The following GSE1 variants were observed in gnomAD, a reference collection of about 807,000 sequenced individuals.
GSE1 encodes genetic suppressor element 1.
GSE1 carries 32 observed loss-of-function variants against 112.6 expected under a neutral mutation model. That is an observed-to-expected ratio of 0.28 (90% CI 0.21 to 0.38). The LOEUF (loss-of-function observed/expected upper bound fraction) is 0.38. GSE1 is among the 10% of genes least tolerant of loss of function. The pLI is 1.00. For missense variants in GSE1, 2,348 were observed against 1,699.2 expected, an observed-to-expected ratio of 1.38 and a Z score of -6.71; for synonymous variants, 1,115 against 735.6, an observed-to-expected ratio of 1.52 and a Z score of -8.35.
At chr16:85,169,859 T>G (rs2074329723) in exon 1 of GSE1, 1 of 984,158 alleles carries the variant, frequency 1.0e-6, no homozygotes, top group Non-Finnish European at 1.2e-6. Flanking sequence ...GACAAGCGCA[T>G]GTACTGGCTC....
intron 2 of GSE1, chr16:85,490,586 G>C (rs1216579971): frequency 6.6e-6 from 1 of 152,244 alleles, no homozygotes; most frequent in African/African-American, 2.4e-5. Context: ...CTCCTGAGGA[G>C]GTGCCCGGTC....
intron 1 of GSE1, among the ~76,000 whole-genome samples, chr16:85,175,881 G>A (rs2074453044): frequency 6.6e-6 from 1 of 152,214 alleles, no homozygotes; most frequent in South Asian, 2.1e-4. Flanking sequence ...GAGAGGTTAA[G>A]CAACTTGTCC....
chr16:85,484,986 T>G (rs1344450550), intron 2 of GSE1, among the ~76,000 whole-genome samples: 1 of 151,998 alleles, frequency 6.6e-6, no homozygotes, highest in Non-Finnish European at 1.5e-5. Flanking sequence ...CAGCCTTGAT[T>G]CCTCAGCACC....
At chr16:85,303,886 G>C (rs923464124) in intron 1 of GSE1, among the ~76,000 whole-genome samples, 1 of 152,230 alleles carries the variant, frequency 6.6e-6, no homozygotes, top group Non-Finnish European at 1.5e-5. Context: ...CTGCCCCCAG[G>C]GTTGTCCCGG....
intron 1 of GSE1, among the ~76,000 whole-genome samples, chr16:85,206,794 C>G (rs2075124871): frequency 6.6e-6 from 1 of 152,122 alleles, no homozygotes; most frequent in Admixed American, 6.5e-5. Flanking sequence ...GGCCCCCCGC[C>G]AGGATGGAGG....
chr16:85,641,887 C>T (rs1412723075), intron 2 of GSE1, among the ~76,000 whole-genome samples: 2 of 152,246 alleles, frequency 1.3e-5, no homozygotes, highest in African/African-American at 4.8e-5. Context: ...TGGCCGGGCT[C>T]CTTTCCACAT....
At chr16:85,650,267 C>T (rs946487369) in intron 3 of GSE1, among the ~76,000 whole-genome samples, 5 of 152,048 alleles carry the variant, frequency 3.3e-5, no homozygotes, top group Non-Finnish European at 4.4e-5. Flanking sequence ...AGCTCCGCTG[C>T]CTCCAGAGGC....
intron 1 of GSE1, among the ~76,000 whole-genome samples, chr16:85,617,544 A>C (rs948417771): frequency 4.9e-5 from 7 of 142,964 alleles, no homozygotes; most frequent in Non-Finnish European, 1.0e-4. Flanking sequence ...ACTGCCAGGC[A>C]GTTCAGGCCA....
chr16:85,192,105 A>G (rs866827796), intron 1 of GSE1, among the ~76,000 whole-genome samples: 1 of 152,264 alleles, frequency 6.6e-6, no homozygotes, highest in Admixed American at 6.5e-5. Flanking sequence ...GCTCATGCAC[A>G]TTCTGGTGCA....
At chr16:85,246,327 ACACACCCC>A (rs1224190575) in intron 1 of GSE1, among the ~76,000 whole-genome samples, 6 of 83,402 alleles carry the variant, frequency 7.2e-5, no homozygotes, top group African/African-American at 8.9e-5. Flanking sequence ...ACACACACAC[ACACACCCC>A]CCACACGCTG....
At chr16:85,584,979 G>A (rs546957243) in intron 1 of GSE1, among the ~76,000 whole-genome samples, 3 of 152,230 alleles carry the variant, frequency 2.0e-5, no homozygotes, top group African/African-American at 7.2e-5. Context: ...AATGGGATGC[G>A]CCAGAGATGG....
chr16:85,560,032 A>G (rs1481159993), intron 1 of GSE1, among the ~76,000 whole-genome samples: 1 of 151,992 alleles, frequency 6.6e-6, no homozygotes, highest in Non-Finnish European at 1.5e-5. Flanking sequence ...TCGAGTGATA[A>G]CTGTAATAAT....
At chr16:85,466,073 G>A (rs564416582) in intron 2 of GSE1, among the ~76,000 whole-genome samples, 2 of 152,212 alleles carry the variant, frequency 1.3e-5, no homozygotes, top group South Asian at 4.1e-4. Context: ...GGCCCAGAGG[G>A]CAGGTTCACA....
chr16:85,278,263 C>T (rs1003519735), intron 1 of GSE1, among the ~76,000 whole-genome samples: 1 of 152,204 alleles, frequency 6.6e-6, no homozygotes, highest in African/African-American at 2.4e-5. Flanking sequence ...GACCTGAGAC[C>T]CTCTCTTCTT....
At chr16:85,636,776 T>C (rs889507) in intron 2 of GSE1, among the ~76,000 whole-genome samples, 37,580 of 151,980 alleles carry the variant, frequency 0.25, 4,680 homozygotes, top group Non-Finnish European at 0.26. Flanking sequence ...CCCTCACCCC[T>C]AGCACCACTG....
chr16:85,464,581 G>A (rs900751), intron 2 of GSE1, among the ~76,000 whole-genome samples: 1 of 152,186 alleles, frequency 6.6e-6, no homozygotes, highest in Non-Finnish European at 1.5e-5. Context: ...TGTTTCCCCC[G>A]AGGGGTGATG....
chr16:85,192,645 G>T (rs1290396887), intron 1 of GSE1, among the ~76,000 whole-genome samples: 1 of 152,130 alleles, frequency 6.6e-6, no homozygotes, highest in Non-Finnish European at 1.5e-5. Flanking sequence ...TGCAGGTTCC[G>T]GAGCCTAAGC....
chr16:85,444,911 G>A (rs1032648324), intron 2 of GSE1, among the ~76,000 whole-genome samples: 6 of 152,178 alleles, frequency 3.9e-5, no homozygotes, highest in African/African-American at 1.2e-4. Context: ...TTCCCGCGGC[G>A]CTGGCTGTGC....
chr16:85,309,900 C>T (rs1037743859), intron 1 of GSE1, among the ~76,000 whole-genome samples: 1 of 152,200 alleles, frequency 6.6e-6, no homozygotes, highest in Non-Finnish European at 1.5e-5. Flanking sequence ...CCCTTGCCAC[C>T]CCCTCACGCC....
Sources: allele counts gnomAD v4.1 joint callset (sites outside exome capture counted in the v4.1 genomes callset), GRCh38; gene constraint gnomAD v4.1.1; transcripts MANE v1.5; gene names NCBI Gene and HGNC (gene_info 2026-07-23, HGNC 2026-07-21).